Variants in TENM2 observed in about 807,000 individuals in gnomAD.
TENM2 encodes teneurin-2.
TENM2 carries 52 observed loss-of-function variants against 245.2 expected under a neutral mutation model. The observed-to-expected ratio is 0.21, with a 90% CI of 0.17 to 0.27. The LOEUF is 0.27. Ranked by LOEUF, TENM2 falls within the 10% of genes least tolerant of loss-of-function variation. TENM2 has a pLI of 1.00. For synonymous variants in TENM2, 1,363 were observed against 1,438.9 expected (o/e 0.95, Z 1.19); for missense variants, 3,046 against 3,666.8 (o/e 0.83, Z 4.37).
chr5:167,134,738 G>A, the TENM2 span, among the ~76,000 whole-genome samples: 1,632 of 152,276 alleles, frequency 0.011, 28 homozygotes, highest in African/African-American at 0.037. Context: ...GCCATTACCA[G>A]TTTGGCTGAA....
rs182651444 is a variant in TENM2 at position 167,926,566 on chromosome 5, A to G, written c.713-26022A>G. Among the ~76,000 whole-genome samples, 77 of 152,230 alleles carry G rather than the reference A, an allele frequency of 5.1e-4. 1 individual carries two copies. The highest frequency in any genetic ancestry group is 1.8e-3 in the African/African-American group (74 of 41,538). On this transcript the variant is annotated intron_variant, in intron 3 of 28. Coordinates refer to ENST00000518659, the Ensembl canonical transcript of TENM2. ...GAAACCCTGTCTCTACTAAAAATCC[A>G]AAATAGTAGCTGGGCTTGGTGGCAC...
intron 25 of TENM2, among the ~76,000 whole-genome samples, chr5:168,230,530 A>G (rs182730994): frequency 6.6e-6 from 1 of 152,300 alleles, no homozygotes; most frequent in Non-Finnish European, 1.5e-5. Context: ...ATGTTTCGTG[A>G]GCCCATGGCA....
chr5:167,700,076 G>A (rs1758039515), intron 2 of TENM2, among the ~76,000 whole-genome samples: 1 of 152,044 alleles, frequency 6.6e-6, no homozygotes, highest in Non-Finnish European at 1.5e-5. Flanking sequence ...TCACAGACAT[G>A]CCATATCATA....
intron 2 of TENM2, among the ~76,000 whole-genome samples, chr5:167,405,200 T>A (rs1454726263): frequency 6.6e-6 from 1 of 152,114 alleles, no homozygotes; most frequent in Non-Finnish European, 1.5e-5. Context: ...TGATGGATAT[T>A]TGTGTTGTTT....
chr5:167,195,156 G>A, the TENM2 span, among the ~76,000 whole-genome samples: 3 of 152,166 alleles, frequency 2.0e-5, no homozygotes, highest in Middle Eastern at 3.4e-3. Flanking sequence ...CACCAGAAAA[G>A]AGCTCGGTAT....
chr5:167,049,306 C>T, the TENM2 span, among the ~76,000 whole-genome samples: 1 of 152,282 alleles, frequency 6.6e-6, no homozygotes, highest in South Asian at 2.1e-4. Flanking sequence ...TGTATGTTTA[C>T]CACTCGGAAT....
At chr5:167,758,406 C>T (rs77292843) in intron 2 of TENM2, among the ~76,000 whole-genome samples, 2,326 of 152,108 alleles carry the variant, frequency 0.015, 61 homozygotes, top group African/African-American at 0.053. Context: ...GGGAAGAGAT[C>T]GAAGATCAGA....
intron 2 of TENM2, among the ~76,000 whole-genome samples, chr5:167,772,699 C>G (rs1763484951): frequency 6.6e-6 from 1 of 151,998 alleles, no homozygotes; most frequent in Non-Finnish European, 1.5e-5. Flanking sequence ...TGTCACCATG[C>G]CAAGTTTAAG....
intron 2 of TENM2, among the ~76,000 whole-genome samples, chr5:167,840,798 A>G (rs1198270776): frequency 6.6e-6 from 1 of 152,190 alleles, no homozygotes; most frequent in Non-Finnish European, 1.5e-5. Flanking sequence ...AAATGAATTA[A>G]TGTCAAAAAA....
intron 2 of TENM2, among the ~76,000 whole-genome samples, chr5:167,573,731 C>G (rs1485505383): frequency 6.6e-6 from 1 of 152,100 alleles, no homozygotes; most frequent in African/African-American, 2.4e-5. Flanking sequence ...GTATGCAGCT[C>G]AGTTTGATCG....
intron 6 of TENM2, among the ~76,000 whole-genome samples, chr5:168,057,053 G>A (rs1442069467): frequency 6.6e-6 from 1 of 151,960 alleles, no homozygotes. Flanking sequence ...TATATAGAGA[G>A]AAAGAATGTG....
chr5:168,197,136 T>C (rs1304496402), intron 15 of TENM2, among the ~76,000 whole-genome samples: 1 of 152,194 alleles, frequency 6.6e-6, no homozygotes, highest in Non-Finnish European at 1.5e-5. Context: ...TGCAGAACTA[T>C]CCCCAGCAGT....
chr5:167,331,696 T>C (rs992025365), intron 1 of TENM2, among the ~76,000 whole-genome samples: 1 of 152,100 alleles, frequency 6.6e-6, no homozygotes, highest in East Asian at 1.9e-4. Context: ...AGATGCACCA[T>C]TGAAATAAAA....
chr5:167,764,825 G>T (rs1298398210), intron 2 of TENM2, among the ~76,000 whole-genome samples: 1 of 152,156 alleles, frequency 6.6e-6, no homozygotes, highest in Non-Finnish European at 1.5e-5. Flanking sequence ...ACACTCCTGT[G>T]CTTTGATGGA....
rs1201628536 is a variant in TENM2 at position 167,652,995 on chromosome 5, C to A, written c.503-222991C>A. On this transcript the variant is annotated intron_variant, in intron 2 of 28. Coordinates refer to ENST00000518659, the Ensembl canonical transcript of TENM2. ...ACCTGACCCTGATTACTTTTCTAGGCTAGCTTACTGCTTTTCATATATTAT... is the reference window on the plus strand; with the variant it reads ...ACCTGACCCTGATTACTTTTCTAGGATAGCTTACTGCTTTTCATATATTAT... 5.9e-5 allele frequency among the ~76,000 whole-genome samples: 9 copies of A among 152,282 alleles called. No individual in the cohort carries two copies. In the East Asian group the frequency reaches 1.7e-3, roughly 29 times the overall value.
intron 3 of TENM2, among the ~76,000 whole-genome samples, chr5:167,905,833 A>G (rs1234006493): frequency 1.3e-5 from 2 of 152,350 alleles, no homozygotes; most frequent in Non-Finnish European, 2.9e-5. Context: ...AAATAATTGC[A>G]ATATTCCACA....
chr5:167,372,751 G>A (rs1581870713), intron 1 of TENM2, among the ~76,000 whole-genome samples: 1 of 152,212 alleles, frequency 6.6e-6, no homozygotes, highest in South Asian at 2.1e-4. Flanking sequence ...GGACAAGATG[G>A]AAGAATATTA....
intron 2 of TENM2, among the ~76,000 whole-genome samples, chr5:167,383,728 T>TAAA (rs10549785): frequency 1.0e-4 from 11 of 110,374 alleles, no homozygotes; most frequent in Admixed American, 1.0e-4. Flanking sequence ...TGGTGCAGGA[T>TAAA]AAAAAAAAAA....
chr5:166,992,536 C>G, the TENM2 span, among the ~76,000 whole-genome samples: 3 of 152,268 alleles, frequency 2.0e-5, no homozygotes, highest in East Asian at 5.8e-4. Flanking sequence ...CATTGTATTT[C>G]ATAGTTTCAA....
Sources: gnomAD v4.1 joint callset for allele counts (sites outside exome capture counted in the v4.1 genomes callset) on GRCh38, gnomAD v4.1.1 for gene constraint, MANE v1.5 for transcripts, NCBI Gene and HGNC (gene_info 2026-07-23, HGNC 2026-07-21) for gene names.